ANO10: variants seen among roughly 807,000 people sequenced by gnomAD.
ANO10 encodes the protein anoctamin 10.
ANO10 carries 77 observed loss-of-function variants against 74.7 expected under a neutral mutation model. The ratio of observed to expected loss-of-function variants is 1.03; its 90% confidence interval spans 0.86 to 1.25. The LOEUF (loss-of-function observed/expected upper bound fraction) is 1.25. ANO10 is among the 50% of genes most tolerant of loss of function. ANO10 has a pLI of 0.00. For synonymous variants in ANO10, 279 were observed against 284.9 expected (o/e 0.98, Z 0.21); for missense variants, 721 against 778.1 (o/e 0.93, Z 0.87).
intron 1 of ANO10, among the ~76,000 whole-genome samples, chr3:43,646,833 T>C (rs2083731294): frequency 6.6e-6 from 1 of 152,192 alleles, no homozygotes; most frequent in Non-Finnish European, 1.5e-5. Context: ...CATAGACTCA[T>C]ATGACTGTTT....
chr3:43,385,546 G>A (rs1363766704), intron 12 of ANO10, among the ~76,000 whole-genome samples: 2 of 152,112 alleles, frequency 1.3e-5, no homozygotes, highest in Non-Finnish European at 2.9e-5. Flanking sequence ...AAGAAAATGT[G>A]GTGTATATAC....
chr3:43,617,355 G>A (rs1449453766), intron 1 of ANO10, among the ~76,000 whole-genome samples: 3 of 151,952 alleles, frequency 2.0e-5, no homozygotes, highest in Admixed American at 6.6e-5. Flanking sequence ...CTTTGATCGG[G>A]ACTCTCAGCC....
intron 4 of ANO10, among the ~76,000 whole-genome samples, chr3:43,592,895 T>G (rs1182120689): frequency 1.3e-5 from 2 of 152,002 alleles, no homozygotes; most frequent in Non-Finnish European, 2.9e-5. Context: ...ATAAATAGCA[T>G]AGAGAAGAGA....
intron 1 of ANO10, chr3:43,689,346 G>T (rs780324409): frequency 6.6e-6 from 1 of 152,160 alleles, no homozygotes; most frequent in Non-Finnish European, 1.5e-5. Context: ...GCTTCTGTCC[G>T]TAAGTTCCCT....
intron 11 of ANO10, among the ~76,000 whole-genome samples, chr3:43,506,620 G>T (rs1275868785): frequency 6.6e-6 from 1 of 152,090 alleles, no homozygotes; most frequent in Non-Finnish European, 1.5e-5. Context: ...CACTCCCTGT[G>T]ATCCAGCCAC....
rs747310692 is a variant in ANO10, at chr3:43,396,076, AT to A, written c.1915-29103del. On this transcript the variant is annotated intron_variant, in intron 12 of 12. Coordinates refer to ENST00000292246, the MANE Select transcript of ANO10 (RefSeq NM_018075.5). ...ATGCCTTTTATTAATTTATTTATTTATTTTTTTTTTTTGCTTGATGGCGCTG... is the reference window on the plus strand; with the variant it reads ...ATGCCTTTTATTAATTTATTTATTTATTTTTTTTTTTGCTTGATGGCGCTG... 9.2e-4 allele frequency among the ~76,000 whole-genome samples: 137 copies of A among 148,674 alleles called. 2 individuals are homozygous for A. The highest frequency in any genetic ancestry group is 2.5e-3 in the African/African-American group (100 of 40,558).
chr3:43,637,139 C>T (rs1370321354), intron 1 of ANO10, among the ~76,000 whole-genome samples: 1 of 152,094 alleles, frequency 6.6e-6, no homozygotes, highest in African/African-American at 2.4e-5. Flanking sequence ...CACTGCACTC[C>T]AGCCTGGGTG....
At chr3:43,503,442 G>A (rs901995420) in intron 11 of ANO10, among the ~76,000 whole-genome samples, 5 of 152,158 alleles carry the variant, frequency 3.3e-5, no homozygotes, top group African/African-American at 9.7e-5. Flanking sequence ...TGAGGAGAGG[G>A]GAGTAGGCCC....
chr3:43,466,384 A>AAC (rs1553677037), intron 11 of ANO10, among the ~76,000 whole-genome samples: 1,120 of 38,072 alleles, frequency 0.029, 19 homozygotes, highest in African/African-American at 0.051. Context: ...AAAAAAAAAA[A>AAC]AAACAAACAA....
In ANO10 at chr3:43,600,615, A is replaced by C. The variant is rs775724848; in HGVS notation, c.140-34T>G. 3.2e-6 allele frequency: 5 copies of C among 1,548,832 alleles called. No individual in the cohort carries two copies. The Admixed American group carries it at 6.7e-5, about 21-fold the overall frequency. On this transcript the variant is annotated intron_variant, in intron 2 of 12. Transcript: ENST00000292246. ...ACAAAAGATAAGCACAATCTTAGAC[A>C]AACATAAAAGTTTCAAAACTAAAAA...
At chr3:43,661,537 T>A (rs2083926430) in intron 1 of ANO10, among the ~76,000 whole-genome samples, 1 of 152,158 alleles carries the variant, frequency 6.6e-6, no homozygotes, top group Non-Finnish European at 1.5e-5. Context: ...AATGACAGGA[T>A]CAATTTCACA....
At chr3:43,461,334 T>C (rs543124381) in intron 11 of ANO10, among the ~76,000 whole-genome samples, 1 of 152,346 alleles carries the variant, frequency 6.6e-6, no homozygotes, top group African/African-American at 2.4e-5. Context: ...AACATCTGAA[T>C]AGCTCCCTCT....
At chr3:43,535,849 T>C (rs904803748) in intron 11 of ANO10, among the ~76,000 whole-genome samples, 1 of 152,230 alleles carries the variant, frequency 6.6e-6, no homozygotes, top group Non-Finnish European at 1.5e-5. Context: ...TAAGTCTCTT[T>C]AAGTCTTCCC....
intron 11 of ANO10, among the ~76,000 whole-genome samples, chr3:43,486,601 CTCTG>C (rs563132565): frequency 7.4e-4 from 105 of 141,866 alleles, no homozygotes; most frequent in Non-Finnish European, 1.4e-3. Context: ...TGATTTGGCT[CTCTG>C]TCTGTTGTTG....
At chr3:43,497,435 G>C (rs2076956445) in intron 11 of ANO10, among the ~76,000 whole-genome samples, 1 of 152,212 alleles carries the variant, frequency 6.6e-6, no homozygotes, top group South Asian at 2.1e-4. Context: ...ACTGTCTTCA[G>C]AGTTTCAACC....
chr3:43,557,474 G>A (rs568464291), intron 9 of ANO10, among the ~76,000 whole-genome samples: 31 of 152,146 alleles, frequency 2.0e-4, no homozygotes, highest in African/African-American at 6.7e-4. Context: ...AGTGGCTCAC[G>A]CCTGTAATTC....
chr3:43,472,493 T>C (rs1321751655), intron 11 of ANO10: 1 of 152,032 alleles, frequency 6.6e-6, no homozygotes, highest in Admixed American at 6.6e-5. Context: ...TCTGAAGTTA[T>C]CACAGTGAGT....
chr3:43,583,073 A>G (rs114636078), intron 4 of ANO10, among the ~76,000 whole-genome samples: 1,655 of 152,300 alleles, frequency 0.011, 17 homozygotes, highest in African/African-American at 0.025. Context: ...TCTACTGTAG[A>G]AGACTTCCCA....
chr3:43,623,309 TATTC>T (rs1349856082), upstream of ANO10, among the ~76,000 whole-genome samples: 1 of 152,260 alleles, frequency 6.6e-6, no homozygotes, highest in African/African-American at 2.4e-5. Flanking sequence ...ATTTTATTAT[TATTC>T]ATTGTTGTTA....
Sources: gnomAD v4.1 joint callset for allele counts (sites outside exome capture counted in the v4.1 genomes callset) on GRCh38, gnomAD v4.1.1 for gene constraint, MANE v1.5 for transcripts, NCBI Gene and HGNC (gene_info 2026-07-23, HGNC 2026-07-21) for gene names.